The following DNAI7 variants were observed in gnomAD, a reference collection of about 807,000 sequenced individuals.
DNAI7 encodes cancer susceptibility 1.
A neutral mutation model predicts 86.6 loss-of-function variants in DNAI7; 78 were observed. The observed-to-expected ratio is 0.90, with a 90% CI of 0.75 to 1.09. The LOEUF (loss-of-function observed/expected upper bound fraction) is 1.09. Among genes scored for constraint, DNAI7 ranks in the 50% least tolerant of loss-of-function variants. The pLI, the probability that DNAI7 is intolerant of heterozygous loss-of-function variation, is 0.00. For synonymous variants in DNAI7, 274 were observed against 273.0 expected (o/e 1.00, Z -0.04); for missense variants, 753 against 810.2 (o/e 0.93, Z 0.86).
chr12:25,144,294 G>A (rs138803681), intron 9 of DNAI7, 71 bp downstream of exon 9: 8 of 1,299,162 alleles, frequency 6.2e-6, no homozygotes, highest in Non-Finnish European at 8.5e-6. Context: ...AAAATCTTGA[G>A]AACACTTTAA....
chr12:25,194,810 G>T, intron 1 of DNAI7: 1 of 1,465,402 alleles, frequency 6.8e-7, no homozygotes, highest in Non-Finnish European at 9.4e-7. Flanking sequence ...TTCAAGCTTA[G>T]CAACATTCGA....
Position 25,144,534 on chromosome 12 carries a change from TC to T in DNAI7, c.832del (p.Glu278AsnfsTer6), listed in dbSNP as rs1458411122. The T allele has an allele frequency of 6.2e-7, 1 of 1,614,166 alleles. No individual in the cohort carries two copies. The highest frequency in any genetic ancestry group is 8.5e-7 in the Non-Finnish European group (1 of 1,180,020). On this transcript the variant is annotated frameshift_variant, in exon 9 of 16. Coordinates refer to ENST00000395987, the MANE Select transcript of DNAI7 (RefSeq NM_018272.5). LOFTEE classifies it high-confidence loss of function. Reference protein sequence around the residue: ...ALHPVSTPSKEYTSAVTELVK... With the variant: ...ALHPVSTPSKXYTSAVTELVK... ...AAGCTCAGTTACTGCAGAAGTGTATTCTTTTGATGGTGTTGAAACAGGGTGC... is the reference window on the plus strand; with the variant it reads ...AAGCTCAGTTACTGCAGAAGTGTATTTTTTGATGGTGTTGAAACAGGGTGC...
intron 9 of DNAI7, among the ~76,000 whole-genome samples, chr12:25,136,276 T>C (rs1207274054): frequency 6.6e-6 from 1 of 152,176 alleles, no homozygotes; most frequent in East Asian, 1.9e-4. Context: ...TGGAGCGCAG[T>C]AGCTCCACTG....
At chr12:25,160,603 G>T (rs186482002) in intron 3 of DNAI7, among the ~76,000 whole-genome samples, 112 of 152,306 alleles carry the variant, frequency 7.4e-4, no homozygotes, top group African/African-American at 2.4e-3. Context: ...ATAGGGGAAT[G>T]ACACAGTAGC....
In DNAI7 at chr12:25,119,161, T is replaced by C. The variant is rs374997688; in HGVS notation, c.1380A>G (p.Val460=). The change falls in exon 12 of 16, where the codon GTA becomes GTG. Residue 460 remains valine (V), a synonymous_variant. Coordinates refer to ENST00000395987, the MANE Select transcript of DNAI7 (RefSeq NM_018272.5). ...NVIFFEDPVV[V]RWDAEGKHWR... The stretch of plus-strand genomic sequence containing the variant: ...AAGCTGTACCTTCAGCATCCCACCT[T>C]ACAACCACAGGATCCTCAAAAAAGA... The C allele has an allele frequency of 1.2e-6, 2 of 1,604,742 alleles. No individual in the cohort carries two copies. Among genetic ancestry groups the C allele is most frequent in the East Asian group, 2.2e-5 (1 of 44,776 alleles).
At chr12:25,113,935 TGGG>T (rs1939501280) in intron 13 of DNAI7, among the ~76,000 whole-genome samples, 1 of 110,962 alleles carries the variant, frequency 9.0e-6, no homozygotes, top group Non-Finnish European at 1.7e-5. Flanking sequence ...TCTTTCTTTC[TGGG>T]TTTTTTTTTT....
intron 9 of DNAI7, among the ~76,000 whole-genome samples, chr12:25,123,546 A>C (rs1361211160): frequency 6.6e-6 from 1 of 152,206 alleles, no homozygotes; most frequent in Non-Finnish European, 1.5e-5. Flanking sequence ...TAAAAGATGG[A>C]GATTAGGAAG....
At chr12:25,124,154 G>C (rs948299430) in intron 9 of DNAI7, among the ~76,000 whole-genome samples, 9 of 151,720 alleles carry the variant, frequency 5.9e-5, no homozygotes, top group Admixed American at 2.0e-4. Flanking sequence ...CCTTATACCA[G>C]AGTTCTAGTC....
rs1232418321 is a variant in DNAI7 at position 25,123,147 on chromosome 12, T to C, written c.1078+64A>G. The C allele has an allele frequency of 8.4e-6, 9 of 1,067,026 alleles. No homozygotes were observed. The East Asian group carries it at 1.7e-4, about 20-fold the overall frequency. The allele number at this position is 1,067,026 out of a possible 1,614,324, so 66.1% of individuals were successfully genotyped here. A position where few individuals can be genotyped will look rare whatever the true frequency, so the allele number is the denominator to read the frequency against. Reference sequence around the variant, plus strand: ...GTCTGAATTTTTTTAACAATGATCCTGTATTTCTTCTGTAAGAAGAAAATC... The same window carrying C: ...GTCTGAATTTTTTTAACAATGATCCCGTATTTCTTCTGTAAGAAGAAAATC... On this transcript the variant is annotated intron_variant, in intron 10 of 15. Transcript: ENST00000395987.
In DNAI7 at chr12:25,175,350, G is replaced by T. The variant is rs117203275; in HGVS notation, c.22-14153C>A. Among the ~76,000 whole-genome samples the T allele has an allele frequency of 5.7e-4, 86 of 152,116 alleles. 2 individuals are homozygous for T. The East Asian group carries it at 0.016, about 28-fold the overall frequency. ...TGCCTTCCTTCCCATTGCAGTGGAT[G>T]AACTATATGTTTTGCTTTTAAACTT... On this transcript the variant is annotated intron_variant, in intron 2 of 15. Coordinates refer to ENST00000395987, the MANE Select transcript of DNAI7 (RefSeq NM_018272.5).
chr12:25,163,371 CCTT>C (rs61510102), intron 2 of DNAI7, among the ~76,000 whole-genome samples: 70 of 152,268 alleles, frequency 4.6e-4, no homozygotes, highest in African/African-American at 1.6e-3. Context: ...TTGTGAAATT[CCTT>C]CTCCTGGCTC....
chr12:25,164,220 A>C (rs1592550374), intron 2 of DNAI7, among the ~76,000 whole-genome samples: 1 of 138,276 alleles, frequency 7.2e-6, no homozygotes. Context: ...GGGGCAAGAA[A>C]CCCCCAGCCC....
chr12:25,123,194 A>C lies in DNAI7; in HGVS notation c.1078+17T>G, dbSNP rs759518321. 12 of 1,498,576 alleles carry C rather than the reference A, an allele frequency of 8.0e-6. No individual in the cohort carries two copies. The highest frequency in any genetic ancestry group is 1.1e-5 in the Non-Finnish European group (12 of 1,091,462). 92.8% of individuals were successfully genotyped at this position (1,498,576 alleles called of 1,614,324 possible). On this transcript the variant is annotated intron_variant, in intron 10 of 15. Coordinates refer to ENST00000395987, the MANE Select transcript of DNAI7 (RefSeq NM_018272.5). ...AATCTCAATAAAGTTAAATTCTTAAAATGTAATTTAGAATACCTGCTGAAA... is the reference window on the plus strand; with the variant it reads ...AATCTCAATAAAGTTAAATTCTTAACATGTAATTTAGAATACCTGCTGAAA...
chr12:25,112,932 G>C (rs979572081), intron 13 of DNAI7, among the ~76,000 whole-genome samples: 1 of 152,136 alleles, frequency 6.6e-6, no homozygotes, highest in Non-Finnish European at 1.5e-5. Context: ...AGACAGCACA[G>C]ATCTACTAAC....
rs1250278389 is a variant in DNAI7 at position 25,133,097 on chromosome 12, TTTCA to T, written c.1003-9815_1003-9812del. ...AGTTTCCTATATTCTGTTCAAATACTTTCATTATTTTTATAATTTTTGAATAGTT... is the reference window on the plus strand; with the variant it reads ...AGTTTCCTATATTCTGTTCAAATACTTTATTTTTATAATTTTTGAATAGTT... On this transcript the variant is annotated intron_variant, in intron 9 of 15. Coordinates refer to ENST00000395987, the MANE Select transcript of DNAI7 (RefSeq NM_018272.5). Among the ~76,000 whole-genome samples the T allele has an allele frequency of 2.6e-5, 4 of 152,204 alleles. No individual in the cohort carries two copies. The East Asian group carries it at 7.7e-4, about 29-fold the overall frequency.
At chr12:25,127,844 TA>T (rs1942364311) in intron 9 of DNAI7, among the ~76,000 whole-genome samples, 2 of 152,094 alleles carry the variant, frequency 1.3e-5, no homozygotes, top group South Asian at 4.1e-4. Context: ...AAATAGAGAA[TA>T]GGATCCACTT....
chr12:25,186,580 A>C (rs188436765), intron 2 of DNAI7, among the ~76,000 whole-genome samples: 165 of 152,304 alleles, frequency 1.1e-3, no homozygotes, highest in African/African-American at 3.7e-3. Context: ...CACTTCCAAA[A>C]AGACAGGTAA....
Position 25,121,889 on chromosome 12 carries a change from G to A in DNAI7, c.1103C>T (p.Ser368Phe). The A allele has an allele frequency of 6.3e-7, 1 of 1,589,550 alleles. No homozygotes were observed. The highest frequency in any genetic ancestry group is 1.7e-4 in the Middle Eastern group (1 of 6,002). ...TTCAAAGAAATCTGGCTTTTCAGAA[G>A]AATTCTCTACCAGCAACAACTGTGC... is the stretch of plus-strand genomic sequence containing the variant. ...SAAQLLLVEN[S>F]SEKPDFFEDN... Residue 368 changes from serine to phenylalanine, a missense_variant, in exon 11 of 16, where the codon TCT becomes TTT. Physicochemically the swap from Ser to Phe is radical, Grantham distance 155. Coordinates refer to ENST00000395987, the MANE Select transcript of DNAI7 (RefSeq NM_018272.5).
intron 6 of DNAI7, 66 bp downstream of exon 6, chr12:25,154,253 T>G: frequency 7.4e-7 from 1 of 1,342,748 alleles, no homozygotes; most frequent in Non-Finnish European, 1.0e-6. Context: ...TATATTAATT[T>G]TTATTTTGAG....
Sources: allele counts gnomAD v4.1 joint callset (sites outside exome capture counted in the v4.1 genomes callset), GRCh38; gene constraint gnomAD v4.1.1; transcripts MANE v1.5; gene names NCBI Gene and HGNC (gene_info 2026-07-23, HGNC 2026-07-21).